STK32B: variants seen among roughly 807,000 people sequenced by gnomAD.
STK32B encodes the protein serine/threonine kinase 32B, also known as serine/threonine-protein kinase 32B.
Under a neutral mutation model 52.6 loss-of-function variants are expected in STK32B, and 43 were observed. That is an observed-to-expected ratio of 0.82 (90% confidence interval 0.64 to 1.05). The LOEUF (loss-of-function observed/expected upper bound fraction) is 1.05, where lower values mean the gene tolerates loss of function less well. Ranked by LOEUF, STK32B falls within the 50% of genes least tolerant of loss-of-function variation. STK32B has a pLI of 0.00. For synonymous variants in STK32B, 238 were observed against 204.3 expected, an observed-to-expected ratio of 1.17 and a Z score of -1.41; for missense variants, 621 against 534.6, an observed-to-expected ratio of 1.16 and a Z score of -1.59.
intron 3 of STK32B, among the ~76,000 whole-genome samples, chr4:5,253,597 A>G (rs1408747637): frequency 6.6e-6 from 1 of 152,042 alleles, no homozygotes; most frequent in African/African-American, 2.4e-5. Flanking sequence ...GCTGGTCTCA[A>G]ACTCCTAACC....
At chr4:5,277,826 T>C (rs1577283333) in intron 3 of STK32B, among the ~76,000 whole-genome samples, 1 of 152,308 alleles carries the variant, frequency 6.6e-6, no homozygotes, top group Non-Finnish European at 1.5e-5. Context: ...TGGCAACCTA[T>C]AATCTGGTCC....
At chr4:5,496,016 G>A (rs1280200171) in intron 11 of STK32B, among the ~76,000 whole-genome samples, 3 of 152,184 alleles carry the variant, frequency 2.0e-5, no homozygotes, top group South Asian at 2.1e-4. Context: ...TAGGCTGCTC[G>A]GGGGCAGGGG....
intron 11 of STK32B, among the ~76,000 whole-genome samples, chr4:5,492,897 G>C (rs1719869292): frequency 6.6e-6 from 1 of 150,758 alleles, no homozygotes; most frequent in African/African-American, 2.5e-5. Context: ...TGCGTATATT[G>C]AACCAGCCTT....
intron 3 of STK32B, among the ~76,000 whole-genome samples, chr4:5,325,729 T>G (rs1489101448): frequency 6.6e-6 from 1 of 152,222 alleles, no homozygotes; most frequent in Non-Finnish European, 1.5e-5. Flanking sequence ...AGCCTAATTT[T>G]CCAGATTTTT....
intron 1 of STK32B, among the ~76,000 whole-genome samples, chr4:5,113,834 C>T (rs908538287): frequency 2.2e-4 from 34 of 152,144 alleles, no homozygotes; most frequent in African/African-American, 8.2e-4. Context: ...CCGGGGAGGC[C>T]TCACAATCAT....
chr4:5,263,267 A>G (rs1227904570), intron 3 of STK32B, among the ~76,000 whole-genome samples: 1 of 152,192 alleles, frequency 6.6e-6, no homozygotes, highest in Non-Finnish European at 1.5e-5. Flanking sequence ...GTGCAGTCCC[A>G]TATAATTCAT....
intron 11 of STK32B, among the ~76,000 whole-genome samples, chr4:5,486,299 C>T (rs1337150574): frequency 6.6e-6 from 1 of 152,158 alleles, no homozygotes; most frequent in African/African-American, 2.4e-5. Flanking sequence ...GGCGCCCCAC[C>T]CCCAACCTCG....
At chr4:5,249,543 TTTTC>T (rs1185959686) in intron 3 of STK32B, among the ~76,000 whole-genome samples, 1 of 151,158 alleles carries the variant, frequency 6.6e-6, no homozygotes, top group Non-Finnish European at 1.5e-5. Flanking sequence ...TCCTTCCTTC[TTTTC>T]TTTCTTAATT....
intron 4 of STK32B, among the ~76,000 whole-genome samples, chr4:5,358,898 C>T (rs1465897612): frequency 6.6e-6 from 1 of 152,158 alleles, no homozygotes; most frequent in Non-Finnish European, 1.5e-5. Flanking sequence ...AACACATATA[C>T]TTTATGTTTT....
chr4:5,247,097 A>G (rs1275614500), intron 3 of STK32B, among the ~76,000 whole-genome samples: 1 of 152,284 alleles, frequency 6.6e-6, no homozygotes, highest in East Asian at 1.9e-4. Flanking sequence ...CTCTCTTCAA[A>G]GCTGTCAGAC....
At chr4:5,484,519 G>A (rs976062809) in intron 11 of STK32B, among the ~76,000 whole-genome samples, 7 of 151,962 alleles carry the variant, frequency 4.6e-5, no homozygotes, top group Admixed American at 6.6e-5. Flanking sequence ...TACAGCACAC[G>A]GATAGGTCTT....
Position 5,434,450 on chromosome 4 carries a change from G to GTA in STK32B, c.563-12222_563-12221insAT, listed in dbSNP as rs1433116826. 9.5e-4 allele frequency among the ~76,000 whole-genome samples: 98 copies of GTA among 103,350 alleles called. No individual in the cohort carries two copies. In the South Asian group the frequency reaches 0.019, roughly 20 times the overall value. 67.8% of individuals were successfully genotyped at this position (103,350 alleles called of 152,430 possible). On this transcript the variant is annotated intron_variant, in intron 6 of 11. Coordinates refer to ENST00000282908, the MANE Select transcript of STK32B (RefSeq NM_018401.3). ...TGCATGTATGTGTGTGTGTGTGTGT[G>GTA]TGTGTATATATATATATATATATGA... is the stretch of plus-strand genomic sequence containing the variant.
chr4:5,163,230 C>G (rs892658611), intron 2 of STK32B, among the ~76,000 whole-genome samples: 1 of 152,184 alleles, frequency 6.6e-6, no homozygotes, highest in Non-Finnish European at 1.5e-5. Context: ...GAAGGTGACA[C>G]TTTCACATGT....
chr4:5,289,818 C>T (rs879563745), intron 3 of STK32B, among the ~76,000 whole-genome samples: 2 of 147,902 alleles, frequency 1.4e-5, no homozygotes, highest in African/African-American at 2.5e-5. Context: ...GCTGGGATTA[C>T]AAGCGTGATG....
intron 1 of STK32B, among the ~76,000 whole-genome samples, chr4:5,099,459 C>CGCGCACGCGT (rs1054065257): frequency 2.9e-5 from 4 of 140,350 alleles, no homozygotes; most frequent in African/African-American, 1.3e-4. Flanking sequence ...TGCGCGCGCG[C>CGCGCACGCGT]GTATGTGATG....
In STK32B at chr4:5,291,575, C is replaced by T. The variant is rs183927600; in HGVS notation, c.261-39645C>T. Among the ~76,000 whole-genome samples the T allele has an allele frequency of 5.8e-4, 89 of 152,176 alleles. 1 individual carries two copies. Among genetic ancestry groups the T allele is most frequent in the Admixed American group, 2.1e-3 (32 of 15,292 alleles). On this transcript the variant is annotated intron_variant, in intron 3 of 11. Coordinates refer to ENST00000282908, the MANE Select transcript of STK32B (RefSeq NM_018401.3). ...TTCTTTGCAGATTAAAAGAATTACACGCAAATCAAGTAATTTTTCATCAGA... is the reference window on the plus strand; with the variant it reads ...TTCTTTGCAGATTAAAAGAATTACATGCAAATCAAGTAATTTTTCATCAGA...
intron 3 of STK32B, among the ~76,000 whole-genome samples, chr4:5,315,212 A>G (rs1446929684): frequency 1.3e-5 from 2 of 152,250 alleles, no homozygotes; most frequent in South Asian, 4.1e-4. Flanking sequence ...AACACATGAA[A>G]AAGTGTTCAT....
intron 6 of STK32B, chr4:5,436,560 CCA>C: frequency 1.0e-6 from 1 of 984,884 alleles, no homozygotes; most frequent in Non-Finnish European, 1.2e-6. Flanking sequence ...CTCTCTGGGT[CCA>C]GAGGCCCAGC....
chr4:5,111,539 C>T (rs998334230), intron 1 of STK32B, among the ~76,000 whole-genome samples: 13 of 152,058 alleles, frequency 8.5e-5, no homozygotes, highest in African/African-American at 3.1e-4. Context: ...TACATGTTCT[C>T]ACTTATAAGT....
Sources: allele counts gnomAD v4.1 joint callset (sites outside exome capture counted in the v4.1 genomes callset), GRCh38; gene constraint gnomAD v4.1.1; transcripts MANE v1.5; gene names NCBI Gene and HGNC (gene_info 2026-07-23, HGNC 2026-07-21).